The following CCNJL variants were observed in gnomAD, a reference collection of about 807,000 sequenced individuals.
The protein encoded by CCNJL is cyclin-J-like protein.
In CCNJL, 33 loss-of-function variants were observed where a neutral mutation model predicts 33.4. That is an observed-to-expected ratio of 0.99 (90% CI 0.75 to 1.32). The LOEUF (loss-of-function observed/expected upper bound fraction) is 1.32. CCNJL is among the 40% of genes most tolerant of loss of function. The pLI, the probability that CCNJL is intolerant of heterozygous loss-of-function variation, is 0.00. For synonymous variants in CCNJL, 227 were observed against 220.9 expected (o/e 1.03, Z -0.24); for missense variants, 512 against 499.7 (o/e 1.02, Z -0.23).
intron 3 of CCNJL, among the ~76,000 whole-genome samples, chr5:160,269,772 G>A (rs1029977270): frequency 2.0e-5 from 3 of 152,158 alleles, no homozygotes; most frequent in African/African-American, 4.8e-5. Flanking sequence ...AAGGAAGGAC[G>A]TGGTCTGGCT....
chr5:160,306,048 C>A (rs901372373), intron 2 of CCNJL, among the ~76,000 whole-genome samples: 2 of 152,074 alleles, frequency 1.3e-5, no homozygotes, highest in Non-Finnish European at 2.9e-5. Context: ...CCAAGGCGGG[C>A]GGATCACCTG....
At chr5:160,311,688 AC>A (rs750822646) in intron 2 of CCNJL, among the ~76,000 whole-genome samples, 169 bp downstream of exon 2, 1 of 151,940 alleles carries the variant, frequency 6.6e-6, no homozygotes, top group Non-Finnish European at 1.5e-5. Flanking sequence ...CCAGTCTCTA[AC>A]CCCCGCCCCC....
At chr5:160,308,696 T>C (rs932332057) in intron 2 of CCNJL, among the ~76,000 whole-genome samples, 3 of 152,242 alleles carry the variant, frequency 2.0e-5, no homozygotes, top group African/African-American at 7.2e-5. Flanking sequence ...AGGCGGAGGT[T>C]GCACTGAGCT....
At position 160,288,060 on chromosome 5, in the gene CCNJL, G is replaced by GA. The variant is rs542921726; in HGVS notation, c.67-7323dup. ...ACAGATGGCCATGGTGGAGTTCCGG[G>GA]AAAAAGAAATCCACCTTACAAAAAC... On this transcript the variant is annotated intron_variant, in intron 2 of 5. Transcript: ENST00000257536. Among the ~76,000 whole-genome samples the GA allele has an allele frequency of 1.8e-3, 277 of 152,174 alleles. 2 individuals carry two copies. Among genetic ancestry groups the GA allele is most frequent in the Non-Finnish European group, 2.1e-3 (140 of 68,004 alleles).
intron 3 of CCNJL, among the ~76,000 whole-genome samples, chr5:160,264,050 G>A (rs10065568): frequency 0.072 from 10,926 of 151,210 alleles, 582 homozygotes; most frequent in South Asian, 0.19. Context: ...GGTTCAGGTG[G>A]CCCTCCCACC....
At chr5:160,303,799 T>C (rs766828103) in intron 2 of CCNJL, among the ~76,000 whole-genome samples, 1 of 152,078 alleles carries the variant, frequency 6.6e-6, no homozygotes, top group South Asian at 2.1e-4. Context: ...CACCTCTTTC[T>C]GCCAGGTGCT....
In CCNJL at chr5:160,319,185, T is replaced by C. The variant is rs192737289; in HGVS notation, n.207-3680A>G. Among the ~76,000 whole-genome samples the C allele has an allele frequency of 2.6e-3, 389 of 152,276 alleles. 3 individuals are homozygous for C. The highest frequency in any genetic ancestry group is 8.7e-3 in the African/African-American group (362 of 41,542). On this transcript the variant is annotated intron_variant and non_coding_transcript_variant, in intron 1 of 7. Coordinates refer to the CCNJL transcript ENST00000377503. ...TGGAGTGCAGTGGTATGATCATAGC[T>C]CACTGTGGCCTAGAACTCCTGGGTT...
At chr5:160,313,248 A>G (rs186066057), upstream of CCNJL, among the ~76,000 whole-genome samples, 15 of 152,302 alleles carry the variant, frequency 9.8e-5, no homozygotes, top group Non-Finnish European at 1.3e-4. Context: ...AGCCCATCTG[A>G]TGGCATAGCA....
At chr5:160,267,054 C>A (rs1761625365) in intron 3 of CCNJL, among the ~76,000 whole-genome samples, 1 of 152,182 alleles carries the variant, frequency 6.6e-6, no homozygotes, top group Non-Finnish European at 1.5e-5. Flanking sequence ...GGCAGAGAAT[C>A]CACTGGGTAG....
chr5:160,258,758 G>A (rs553051705), intron 4 of CCNJL, among the ~76,000 whole-genome samples: 1 of 152,134 alleles, frequency 6.6e-6, no homozygotes, highest in Non-Finnish European at 1.5e-5. Flanking sequence ...GTGCAGTGGC[G>A]CAATCTCCGC....
Position 160,320,831 on chromosome 5 carries a change from T to TTCTTTCTTTC in CCNJL, n.207-5336_207-5327dup, listed in dbSNP as rs1561812468. 3.5e-3 allele frequency among the ~76,000 whole-genome samples: 436 copies of TTCTTTCTTTC among 124,012 alleles called. 3 individuals carry two copies. The highest frequency in any genetic ancestry group is 0.012 in the African/African-American group (401 of 33,260). 81.4% of individuals were successfully genotyped at this position (124,012 alleles called of 152,430 possible). Reference sequence around the variant, plus strand: ...TTTCTTTCTTTCTTTCTTTCTTTCTTTCTTTCTTTCTTTCTTTCCTTCTTT... The same window carrying TTCTTTCTTTC: ...TTTCTTTCTTTCTTTCTTTCTTTCTTTCTTTCTTTCTCTTTCTTTCTTTCTTTCCTTCTTT... On this transcript the variant is annotated intron_variant and non_coding_transcript_variant, in intron 1 of 7. Coordinates refer to the CCNJL transcript ENST00000377503.
intron 3 of CCNJL, among the ~76,000 whole-genome samples, chr5:160,276,690 G>A (rs973236838): frequency 4.6e-5 from 7 of 152,186 alleles, no homozygotes; most frequent in African/African-American, 1.7e-4. Context: ...TGTTCTGGAA[G>A]TAGAGAGAGC....
At chr5:160,292,061 CTTT>C (rs1762604450) in intron 2 of CCNJL, among the ~76,000 whole-genome samples, 1 of 152,192 alleles carries the variant, frequency 6.6e-6, no homozygotes, top group African/African-American at 2.4e-5. Context: ...GACCCCGTCT[CTTT>C]AAAAAACAAA....
chr5:160,281,014 A>G (rs1762192286), intron 2 of CCNJL: 2 of 506,816 alleles, frequency 3.9e-6, no homozygotes, highest in Admixed American at 3.1e-5. Flanking sequence ...TGAGATACAC[A>G]AGGCCATAAA....
intron 2 of CCNJL, among the ~76,000 whole-genome samples, chr5:160,308,389 A>C (rs1227495191): frequency 6.6e-6 from 1 of 152,252 alleles, no homozygotes; most frequent in Non-Finnish European, 1.5e-5. Flanking sequence ...GGCCCCCGCA[A>C]GGAAGAAGAC....
intron 1 of CCNJL, 119 bp downstream of exon 1, chr5:160,312,245 A>C (rs1054259673): frequency 4.8e-6 from 2 of 416,578 alleles, no homozygotes; most frequent in Non-Finnish European, 8.7e-6. Context: ...CAACTCCGCT[A>C]GCTCGCTCGA....
At chr5:160,309,674 G>A (rs1304876536) in intron 2 of CCNJL, among the ~76,000 whole-genome samples, 1 of 152,166 alleles carries the variant, frequency 6.6e-6, no homozygotes, top group African/African-American at 2.4e-5. Flanking sequence ...CAAACTCCAT[G>A]AAGCCAAATT....
chr5:160,295,283 G>A (rs1762717801), intron 2 of CCNJL, among the ~76,000 whole-genome samples: 1 of 152,216 alleles, frequency 6.6e-6, no homozygotes, highest in South Asian at 2.1e-4. Context: ...GAGGTCAAGA[G>A]ATCGAGACCA....
intron 2 of CCNJL, among the ~76,000 whole-genome samples, chr5:160,288,501 G>A (rs1319622171): frequency 6.6e-6 from 1 of 152,176 alleles, no homozygotes; most frequent in Middle Eastern, 3.4e-3. Flanking sequence ...CCTTCCAGAA[G>A]GAATTTTCCA....
Sources: gnomAD v4.1 joint callset for allele counts (sites outside exome capture counted in the v4.1 genomes callset) on GRCh38, gnomAD v4.1.1 for gene constraint, MANE v1.5 for transcripts, NCBI Gene and HGNC (gene_info 2026-07-23, HGNC 2026-07-21) for gene names.